TMEM175: variants seen among roughly 807,000 people sequenced by gnomAD.
TMEM175 encodes the protein transmembrane protein 175.
A neutral mutation model predicts 36.5 loss-of-function variants in TMEM175; 36 were observed. The observed-to-expected ratio is 0.99, with a 90% confidence interval of 0.76 to 1.30. TMEM175 has a LOEUF of 1.30. Among genes scored for constraint, TMEM175 ranks in the 50% most tolerant of loss-of-function variants. The pLI, the probability that TMEM175 is intolerant of heterozygous loss-of-function variation, is 0.00. For synonymous variants in TMEM175, 339 were observed against 313.4 expected (o/e 1.08, Z -0.86); for missense variants, 705 against 692.8 (o/e 1.02, Z -0.20).
intron 1 of TMEM175, among the ~76,000 whole-genome samples, chr4:941,050 G>A (rs1007943548): frequency 1.1e-5 from 1 of 91,536 alleles, no homozygotes. Context: ...TAATAATAAT[G>A]GGAGAAAGGG....
intron 1 of TMEM175, among the ~76,000 whole-genome samples, chr4:944,597 C>T (rs1029932412): frequency 2.6e-5 from 4 of 152,050 alleles, no homozygotes; most frequent in Admixed American, 1.3e-4. Flanking sequence ...TATACACATA[C>T]GGTGTGTGTA....
intron 1 of TMEM175, among the ~76,000 whole-genome samples, chr4:934,705 C>G (rs1328549682): frequency 6.6e-6 from 1 of 152,168 alleles, no homozygotes; most frequent in African/African-American, 2.4e-5. Flanking sequence ...GATTCTTGAG[C>G]AGCCTAAAGC....
At chr4:952,793 G>A (rs976186048) in intron 7 of TMEM175, among the ~76,000 whole-genome samples, 1 of 151,620 alleles carries the variant, frequency 6.6e-6, no homozygotes, top group Admixed American at 6.6e-5. Flanking sequence ...GTGTGTATAT[G>A]TGTGAGTGAT....
intron 10 of TMEM175, 137 bp downstream of exon 10, chr4:956,027 A>G: frequency 9.0e-7 from 1 of 1,117,008 alleles, no homozygotes; most frequent in Non-Finnish European, 1.3e-6. Flanking sequence ...GTTTTGTGTG[A>G]GGTCAGGGCA....
chr4:954,493 G>A (rs560306469), intron 8 of TMEM175, among the ~76,000 whole-genome samples: 19 of 148,330 alleles, frequency 1.3e-4, no homozygotes, highest in Non-Finnish European at 2.1e-4. Context: ...GAGTGGCGCC[G>A]CTGTGAGCAC....
chr4:944,946 A>G (rs576587726), intron 1 of TMEM175, among the ~76,000 whole-genome samples: 2 of 152,256 alleles, frequency 1.3e-5, no homozygotes, highest in South Asian at 4.1e-4. Context: ...TATGAAAAAT[A>G]CAAAAAATTA....
chr4:943,533 T>C (rs1727772658), intron 1 of TMEM175, among the ~76,000 whole-genome samples: 1 of 152,236 alleles, frequency 6.6e-6, no homozygotes, highest in Admixed American at 6.5e-5. Flanking sequence ...ATTACAGGCA[T>C]GAGCCACCGC....
chr4:953,690 G>C (rs1406674402), intron 8 of TMEM175, among the ~76,000 whole-genome samples: 1 of 152,226 alleles, frequency 6.6e-6, no homozygotes, highest in Non-Finnish European at 1.5e-5. Context: ...TTCTTGTTTT[G>C]TTTTTTGTTC....
At chr4:940,458 A>AC (rs1021891356) in intron 1 of TMEM175, among the ~76,000 whole-genome samples, 6 of 151,648 alleles carry the variant, frequency 4.0e-5, no homozygotes, top group African/African-American at 1.5e-4. Context: ...CAAAAAAAAA[A>AC]AAAAAAAAAA....
At chr4:948,360 C>T in intron 3 of TMEM175, 1 of 1,533,938 alleles carries the variant, frequency 6.5e-7, no homozygotes, top group African/African-American at 1.4e-5. Context: ...AGGTCCTGGC[C>T]TCCTGGGAGG....
intron 1 of TMEM175, among the ~76,000 whole-genome samples, chr4:943,043 A>T (rs1727717380): frequency 6.6e-6 from 1 of 152,174 alleles, no homozygotes; most frequent in Non-Finnish European, 1.5e-5. Flanking sequence ...CAGGATTTTT[A>T]ACTAGAATAT....
rs536182061 is a variant in TMEM175 at position 952,713 on chromosome 4, G to C, written c.462+263G>C. The stretch of plus-strand genomic sequence containing the variant: ...TCCTGTGCTCTGTGTGTGTGTGTGC[G>C]TGTGTGTTCACCATCAGCCCTCTTG... On this transcript the variant is annotated intron_variant, in intron 7 of 10. Transcript: ENST00000264771. Among the ~76,000 whole-genome samples the C allele has an allele frequency of 2.0e-4, 30 of 149,988 alleles. No individual in the cohort carries two copies. In the South Asian group the frequency reaches 4.5e-3, roughly 23 times the overall value.
At chr4:951,623 C>T in intron 5 of TMEM175, 59 bp from the exon 6 acceptor site, 1 of 1,611,504 alleles carries the variant, frequency 6.2e-7, no homozygotes, top group East Asian at 2.2e-5. Context: ...GGGCTCTGTC[C>T]ATTCCCCTGC....
chr4:948,022 G>T (rs1359511439), intron 2 of TMEM175, 94 bp from the exon 3 acceptor site: 1 of 1,608,038 alleles, frequency 6.2e-7, no homozygotes, highest in African/African-American at 1.3e-5. Context: ...GCTTAGGGGG[G>T]CCCAGCACTG....
At chr4:935,205 T>TAC (rs1310316933) in intron 1 of TMEM175, among the ~76,000 whole-genome samples, 1 of 152,218 alleles carries the variant, frequency 6.6e-6, no homozygotes, top group East Asian at 1.9e-4. Context: ...CTACTTATCT[T>TAC]ACGAATATTT....
At chr4:939,986 A>G (rs1227569315) in intron 1 of TMEM175, among the ~76,000 whole-genome samples, 2 of 152,240 alleles carry the variant, frequency 1.3e-5, no homozygotes, top group Non-Finnish European at 2.9e-5. Context: ...GTAAGTCCAT[A>G]ACATAGGGTA....
At chr4:935,381 CTA>C (rs1726675108) in intron 1 of TMEM175, among the ~76,000 whole-genome samples, 3 of 152,138 alleles carry the variant, frequency 2.0e-5, no homozygotes, top group Non-Finnish European at 4.4e-5. Flanking sequence ...GTCTTAATCC[CTA>C]TAACTGATTT....
chr4:940,529 G>A (rs549892454), intron 1 of TMEM175, among the ~76,000 whole-genome samples: 2 of 151,998 alleles, frequency 1.3e-5, no homozygotes, highest in East Asian at 1.9e-4. Context: ...GATTTTTAGG[G>A]TGTTTAAACT....
chr4:950,786 G>A (rs1255038641), intron 4 of TMEM175, among the ~76,000 whole-genome samples: 3 of 148,516 alleles, frequency 2.0e-5, no homozygotes, highest in African/African-American at 5.0e-5. Context: ...TGCAGTAGGC[G>A]GAGGTGTGGA....
Sources: gnomAD v4.1 joint callset for allele counts (sites outside exome capture counted in the v4.1 genomes callset) on GRCh38, gnomAD v4.1.1 for gene constraint, MANE v1.5 for transcripts, NCBI Gene and HGNC (gene_info 2026-07-23, HGNC 2026-07-21) for gene names.